Variants in SYNPO2 observed in about 807,000 individuals in gnomAD.
SYNPO2 encodes the protein synaptopodin-2.
SYNPO2 carries 56 observed loss-of-function variants against 85.0 expected under a neutral mutation model. The observed-to-expected ratio is 0.66, with a 90% CI of 0.53 to 0.82. The LOEUF is 0.82. Ranked by LOEUF, SYNPO2 falls within the 40% of genes least tolerant of loss-of-function variation. SYNPO2 has a pLI of 0.00. For missense variants in SYNPO2, 1,575 were observed against 1,534.2 expected (o/e 1.03, Z -0.44); for synonymous variants, 602 against 591.1 (o/e 1.02, Z -0.27).
chr4:118,878,974 G>C (rs780386593), intron 1 of SYNPO2, among the ~76,000 whole-genome samples: 1 of 152,132 alleles, frequency 6.6e-6, no homozygotes, highest in Non-Finnish European at 1.5e-5. Flanking sequence ...CACTCACTGC[G>C]AAGGTCTGTG....
chr4:118,886,499 G>A (rs1052942154), upstream of SYNPO2, among the ~76,000 whole-genome samples: 7 of 152,144 alleles, frequency 4.6e-5, no homozygotes, highest in African/African-American at 1.2e-4. Flanking sequence ...GAGAACATGT[G>A]GTGTTTGGTT....
At chr4:119,015,348 A>G (rs1285330861) in intron 1 of SYNPO2, among the ~76,000 whole-genome samples, 2 of 152,212 alleles carry the variant, frequency 1.3e-5, no homozygotes, top group African/African-American at 4.8e-5. Flanking sequence ...TTCATTTTAC[A>G]TATATCTTCT....
At chr4:118,900,203 G>T (rs1732675713) in intron 1 of SYNPO2, among the ~76,000 whole-genome samples, 1 of 152,108 alleles carries the variant, frequency 6.6e-6, no homozygotes, top group Non-Finnish European at 1.5e-5. Flanking sequence ...ATATTTTCAA[G>T]AATTTTCTTT....
chr4:118,918,924 A>C (rs1437788568), intron 1 of SYNPO2, among the ~76,000 whole-genome samples: 1 of 152,340 alleles, frequency 6.6e-6, no homozygotes, highest in African/African-American at 2.4e-5. Context: ...AAAAGTTTTA[A>C]AATGTTTTTA....
exon 1 of SYNPO2, chr4:118,850,719 T>C: frequency 2.5e-6 from 1 of 398,672 alleles, no homozygotes; most frequent in East Asian, 3.6e-5. Flanking sequence ...CAGAACATGT[T>C]GCTCTGGAGC....
intron 1 of SYNPO2, among the ~76,000 whole-genome samples, chr4:119,016,656 G>C (rs1273489511): frequency 6.6e-6 from 1 of 152,210 alleles, no homozygotes; most frequent in Non-Finnish European, 1.5e-5. Flanking sequence ...CCAGCAAAAA[G>C]TAGACAGGCA....
chr4:118,970,075 C>T (rs756347421), intron 1 of SYNPO2, among the ~76,000 whole-genome samples: 2 of 152,092 alleles, frequency 1.3e-5, no homozygotes, highest in African/African-American at 4.8e-5. Flanking sequence ...AATTAATAAT[C>T]GACATATATG....
chr4:118,872,188 T>C lies in SYNPO2; in HGVS notation c.12+21248T>C, dbSNP rs544906797. ...ATTATATGCAGATATTATGCAGTGGTGAAGTCAGGGTTTTTAAGGTATCCA... is the reference window on the plus strand; with the variant it reads ...ATTATATGCAGATATTATGCAGTGGCGAAGTCAGGGTTTTTAAGGTATCCA... On this transcript the variant is annotated intron_variant, in intron 1 of 4. Transcript: ENST00000610556. 3.3e-5 allele frequency among the ~76,000 whole-genome samples: 5 copies of C among 152,308 alleles called. No homozygotes were observed. The South Asian group carries it at 8.3e-4, about 25-fold the overall frequency.
chr4:118,925,391 C>T (rs1461638224), intron 1 of SYNPO2, among the ~76,000 whole-genome samples: 1 of 152,058 alleles, frequency 6.6e-6, no homozygotes, highest in Non-Finnish European at 1.5e-5. Context: ...TTGGAAGTAA[C>T]ACCTTGTCAT....
chr4:118,957,226 T>C (rs13128392), intron 1 of SYNPO2, among the ~76,000 whole-genome samples: 103,359 of 151,926 alleles, frequency 0.68, 35,297 homozygotes, highest in Admixed American at 0.73. Context: ...TCCCAAGGGA[T>C]GTTCTCTGTG....
intron 1 of SYNPO2, among the ~76,000 whole-genome samples, chr4:118,858,949 C>T (rs1368836487): frequency 6.6e-6 from 1 of 152,180 alleles, no homozygotes; most frequent in Non-Finnish European, 1.5e-5. Context: ...CCACCCACAT[C>T]CCATGATAAG....
chr4:119,044,961 A>G (rs1738831797), intron 4 of SYNPO2, among the ~76,000 whole-genome samples: 1 of 152,228 alleles, frequency 6.6e-6, no homozygotes, highest in Non-Finnish European at 1.5e-5. Flanking sequence ...TAATGTAATT[A>G]GAAGTCGTGA....
chr4:118,946,362 A>G (rs1370640756), intron 1 of SYNPO2, among the ~76,000 whole-genome samples: 1 of 152,214 alleles, frequency 6.6e-6, no homozygotes, highest in Non-Finnish European at 1.5e-5. Context: ...CTCTTGACAA[A>G]ATGAGGGCTC....
chr4:118,944,891 A>T (rs762451417), intron 1 of SYNPO2, among the ~76,000 whole-genome samples: 21 of 152,176 alleles, frequency 1.4e-4, no homozygotes, highest in Non-Finnish European at 2.4e-4. Context: ...TTATACAGAT[A>T]AGAGAGAGAA....
intron 4 of SYNPO2, chr4:119,033,603 T>C: frequency 2.0e-6 from 2 of 985,434 alleles, no homozygotes; most frequent in East Asian, 1.1e-4. Flanking sequence ...TCAGAAAAAC[T>C]TGCCTGGTTT....
At chr4:118,979,749 A>G (rs1324782972) in intron 1 of SYNPO2, among the ~76,000 whole-genome samples, 1 of 152,240 alleles carries the variant, frequency 6.6e-6, no homozygotes, top group Non-Finnish European at 1.5e-5. Flanking sequence ...AATTCATATA[A>G]CCAGGAATTA....
intron 1 of SYNPO2, among the ~76,000 whole-genome samples, chr4:118,966,668 A>C (rs10002266): frequency 6.6e-6 from 1 of 152,160 alleles, no homozygotes; most frequent in Non-Finnish European, 1.5e-5. Flanking sequence ...ACACACACAT[A>C]CTTCTGGGAT....
At chr4:118,859,947 C>G (rs1731581012) in intron 1 of SYNPO2, among the ~76,000 whole-genome samples, 1 of 152,116 alleles carries the variant, frequency 6.6e-6, no homozygotes, top group South Asian at 2.1e-4. Flanking sequence ...AGTGAAATTG[C>G]TAGATCATCT....
intron 1 of SYNPO2, among the ~76,000 whole-genome samples, chr4:118,947,825 C>A (rs1029817937): frequency 1.1e-4 from 17 of 152,130 alleles, no homozygotes; most frequent in African/African-American, 4.1e-4. Flanking sequence ...GTAATATATG[C>A]CTACATATTA....
Sources: gnomAD v4.1 joint callset for allele counts (sites outside exome capture counted in the v4.1 genomes callset) on GRCh38, gnomAD v4.1.1 for gene constraint, MANE v1.5 for transcripts, NCBI Gene and HGNC (gene_info 2026-07-23, HGNC 2026-07-21) for gene names.